Variants in HMX3 observed in about 807,000 individuals in gnomAD.
The protein encoded by HMX3 is homeobox protein HMX3.
In HMX3, 8 loss-of-function variants were observed where a neutral mutation model predicts 22.8. The ratio of observed to expected loss-of-function variants is 0.35; its 90% CI spans 0.21 to 0.63. The LOEUF (loss-of-function observed/expected upper bound fraction) is 0.63, where lower values mean the gene tolerates loss of function less well. Among genes scored for constraint, HMX3 ranks in the 30% least tolerant of loss-of-function variants. HMX3 has a pLI of 0.72. For synonymous variants in HMX3, 331 were observed against 250.9 expected, an observed-to-expected ratio of 1.32 and a Z score of -3.02; for missense variants, 527 against 520.6, an observed-to-expected ratio of 1.01 and a Z score of -0.12.
Position 123,137,255 on chromosome 10 carries a change from G to A in HMX3, c.598G>A (p.Val200Ile), listed in dbSNP as rs529176331. Residue 200 changes from valine (V) to isoleucine (I), a missense_variant, in exon 2 of 2, where the codon GTA (valine) becomes ATA (isoleucine). Val to Ile is a conservative substitution (Grantham distance 29, BLOSUM62 3). Around this residue, in one of 3 missense-constraint regions of HMX3, gnomAD observed 386 missense variants for 337.8 expected, o/e 1.14. Coordinates refer to ENST00000357878, the MANE Select transcript of HMX3 (RefSeq NM_001105574.2). This position sits in a 1 kb window ranked among gnomAD's most constrained non-coding sequence, Gnocchi z 5.8. ...EAAPGAAGASVGAAAATPGAE... is the reference protein window; with the variant it reads ...EAAPGAAGASIGAAAATPGAE... ...GGCGCCAGGCGCGGCCGGGGCGAGC[G>A]TAGGGGCGGCGGCGGCCACTCCGGG... The A allele has an allele frequency of 3.1e-6, 5 of 1,591,846 alleles. No individual in the cohort carries two copies. Among genetic ancestry groups the A allele is most frequent in the Non-Finnish European group, 4.3e-6 (5 of 1,169,384 alleles).
rs375092158 is a variant in HMX3, at chr10:123,137,155, G to A, written c.498G>A (p.Glu166=). ...PLLKADPDHK[E]LDSKSPDEII... ...TCAAGGCCGACCCCGATCACAAGGA[G>A]CTGGACTCCAAGAGCCCGGACGAGA... The change falls in exon 2 of 2, where the codon GAG becomes GAA. Residue 166 remains glutamate (E), a synonymous_variant. Transcript: ENST00000357878. This position sits in a 1 kb window ranked among gnomAD's most constrained non-coding sequence, Gnocchi z 5.8. The A allele has an allele frequency of 6.0e-5, 97 of 1,607,070 alleles. No individual in the cohort carries two copies. The highest frequency in any genetic ancestry group is 4.4e-4 in the Admixed American group (26 of 59,206).
In HMX3 at chr10:123,136,538, C is replaced by T; in HGVS notation, c.400+88C>T. On this transcript the variant is annotated intron_variant, in intron 1 of 1. Transcript: ENST00000357878. The surrounding 1 kb of genome is among the most constrained non-coding windows in gnomAD (Gnocchi z 4.8). The stretch of plus-strand genomic sequence containing the variant: ...CTGCTTCCCTCCGCAGTTCTGGGAC[C>T]CCAGCACCCGCAAACCCTCTGCTCG... 9.2e-7 allele frequency: 1 copy of T among 1,087,750 alleles called. No homozygotes were observed. The allele number at this position is 1,087,750 out of a possible 1,614,324, so 67.4% of individuals were successfully genotyped here. A position where few individuals can be genotyped will look rare whatever the true frequency, so the allele number is the denominator to read the frequency against.
Position 123,137,461 on chromosome 10 carries a change from G to A in HMX3, c.804G>A (p.Glu268=). 6.2e-7 allele frequency: 1 copy of A among 1,613,264 alleles called. No homozygotes were observed. Among genetic ancestry groups the A allele is most frequent in the South Asian group, 1.1e-5 (1 of 91,084 alleles). ...TGGCCGCGTCCCTGCACCTCACCGAGACGCAGGTCAAGATCTGGTTCCAGA... is the reference window on the plus strand; with the variant it reads ...TGGCCGCGTCCCTGCACCTCACCGAAACGCAGGTCAAGATCTGGTTCCAGA... ...AGLAASLHLT[E]TQVKIWFQNR... The change falls in exon 2 of 2, where the codon GAG becomes GAA. Residue 268 remains glutamate (E), a synonymous_variant. Coordinates refer to ENST00000357878, the MANE Select transcript of HMX3 (RefSeq NM_001105574.2). This position sits in a 1 kb window ranked among gnomAD's most constrained non-coding sequence, Gnocchi z 5.8.
At position 123,137,628 on chromosome 10, in the gene HMX3, C is replaced by T. The variant is rs1337043565; in HGVS notation, c.971C>T (p.Ala324Val). The T allele has an allele frequency of 7.8e-6, 12 of 1,531,868 alleles. No individual in the cohort carries two copies. The highest frequency in any genetic ancestry group is 1.0e-5 in the Non-Finnish European group (12 of 1,148,370). 94.9% of individuals were successfully genotyped at this position (1,531,868 alleles called of 1,614,324 possible). ...SAAEGAAAAAAGAPVPVSQPL... is the reference protein window; with the variant it reads ...SAAEGAAAAAVGAPVPVSQPL... ...GCCGAGGGCGCGGCGGCTGCAGCCG[C>T]GGGGGCCCCGGTGCCAGTCAGCCAG... The change falls in exon 2 of 2, where the codon GCG (alanine) becomes GTG (valine). Residue 324 changes from alanine (A) to valine (V), a missense_variant. Physicochemically the swap from Ala to Val is moderately conservative, Grantham distance 64. Coordinates refer to ENST00000357878, the MANE Select transcript of HMX3 (RefSeq NM_001105574.2). This position sits in a 1 kb window ranked among gnomAD's most constrained non-coding sequence, Gnocchi z 5.8.
chr10:123,136,475 G>T lies in HMX3; in HGVS notation c.400+25G>T, dbSNP rs1329736164. Reference sequence around the variant, plus strand: ...GGTACCGACCTCTCTTTGAACTTTCGTTGTCCCCCTGCGCGCCCGCCCCGT... The same window carrying T: ...GGTACCGACCTCTCTTTGAACTTTCTTTGTCCCCCTGCGCGCCCGCCCCGT... On this transcript the variant is annotated intron_variant, in intron 1 of 1. Transcript: ENST00000357878. The surrounding 1 kb of genome is among the most constrained non-coding windows in gnomAD (Gnocchi z 4.8). 2 of 1,347,942 alleles carry T rather than the reference G, an allele frequency of 1.5e-6. No individual in the cohort carries two copies. Among genetic ancestry groups the T allele is most frequent in the Non-Finnish European group, 1.9e-6 (2 of 1,040,074 alleles). The allele number at this position is 1,347,942 out of a possible 1,614,324, so 83.5% of individuals were successfully genotyped here.
In HMX3 at chr10:123,137,808, G is replaced by A. The variant is rs1041400917; in HGVS notation, c.*77G>A. On this transcript the variant is annotated 3_prime_UTR_variant, in exon 2 of 2. Transcript: ENST00000357878. The surrounding 1 kb of genome is among the most constrained non-coding windows in gnomAD (Gnocchi z 5.8). ...GAGGAGACTGGGCCGGGCCGAGGGC[G>A]CCGAGAAGTCCAGCGGCCTTCAGGA... The A allele has an allele frequency of 1.5e-5, 17 of 1,166,290 alleles. No individual in the cohort carries two copies. Among genetic ancestry groups the A allele is most frequent in the Non-Finnish European group, 1.9e-5 (17 of 877,754 alleles). The allele number at this position is 1,166,290 out of a possible 1,614,324, so 72.2% of individuals were successfully genotyped here.
In HMX3 at chr10:123,137,707, C is replaced by T. The variant is rs888549916; in HGVS notation, c.1050C>T (p.Ser350=). ...ACTACTCGCACCCGGTGGTCTCTTC[C>T]GTGCCGCTGCTACGGCCGGTCTGAG... ...PVYYSHPVVS[S]VPLLRPV Residue 350 remains serine, a synonymous_variant, in exon 2 of 2, where the codon TCC becomes TCT. Coordinates refer to ENST00000357878, the MANE Select transcript of HMX3 (RefSeq NM_001105574.2). The surrounding 1 kb of genome is among the most constrained non-coding windows in gnomAD (Gnocchi z 5.8). 9.0e-6 allele frequency: 13 copies of T among 1,450,976 alleles called. No homozygotes were observed. Among genetic ancestry groups the T allele is most frequent in the Non-Finnish European group, 1.2e-5 (13 of 1,108,774 alleles). The allele number at this position is 1,450,976 out of a possible 1,614,324, so 89.9% of individuals were successfully genotyped here. A position where few individuals can be genotyped will look rare whatever the true frequency, so the allele number is the denominator to read the frequency against.
In HMX3 at chr10:123,137,550, C is replaced by A; in HGVS notation, c.893C>A (p.Ala298Asp). 1.2e-6 allele frequency: 2 copies of A among 1,610,142 alleles called. No individual in the cohort carries two copies. ...AELEAANLSHAAAQRIVRVPI... is the reference protein window; with the variant it reads ...AELEAANLSHDAAQRIVRVPI... ...CTGGAGGCGGCCAACCTGAGCCATGCCGCGGCGCAGCGCATCGTGCGGGTG... is the reference window on the plus strand; with the variant it reads ...CTGGAGGCGGCCAACCTGAGCCATGACGCGGCGCAGCGCATCGTGCGGGTG... Residue 298 changes from alanine to aspartate, a missense_variant, in exon 2 of 2, where the codon GCC becomes GAC. Coordinates refer to ENST00000357878, the MANE Select transcript of HMX3 (RefSeq NM_001105574.2). This position sits in a 1 kb window ranked among gnomAD's most constrained non-coding sequence, Gnocchi z 5.8.
In HMX3 at chr10:123,137,566, C is replaced by A; in HGVS notation, c.909C>A (p.Ile303=). 1.9e-6 allele frequency: 3 copies of A among 1,607,676 alleles called. No homozygotes were observed. The highest frequency in any genetic ancestry group is 1.7e-6 in the Non-Finnish European group (2 of 1,178,600). The change falls in exon 2 of 2, where the codon ATC becomes ATA. Residue 303 remains isoleucine, a synonymous_variant. Coordinates refer to ENST00000357878, the MANE Select transcript of HMX3 (RefSeq NM_001105574.2). The surrounding 1 kb of genome is among the most constrained non-coding windows in gnomAD (Gnocchi z 5.8). ...ANLSHAAAQR[I]VRVPILYHEN... is the part of the protein sequence containing the mutation. ...TGAGCCATGCCGCGGCGCAGCGCATCGTGCGGGTGCCCATCCTCTACCACG... is the reference window on the plus strand; with the variant it reads ...TGAGCCATGCCGCGGCGCAGCGCATAGTGCGGGTGCCCATCCTCTACCACG...
Position 123,137,862 on chromosome 10 carries a change from TCCCCTC to T in HMX3, c.*136_*141del. On this transcript the variant is annotated 3_prime_UTR_variant, in exon 2 of 2. Transcript: ENST00000357878. This position sits in a 1 kb window ranked among gnomAD's most constrained non-coding sequence, Gnocchi z 5.8. The stretch of plus-strand genomic sequence containing the variant: ...GGGGCTTGGGCGCGCAGCCTCTGCT[TCCCCTC>T]CCCCAGTCGGTAGCATTTTGTAAGT... 1.7e-6 allele frequency: 1 copy of T among 579,986 alleles called. No individual in the cohort carries two copies. The highest frequency in any genetic ancestry group is 3.2e-5 in the East Asian group (1 of 31,048). The allele number at this position is 579,986 out of a possible 1,614,324, so 35.9% of individuals were successfully genotyped here.
At position 123,137,691 on chromosome 10, in the gene HMX3, AC is replaced by A; in HGVS notation, c.1037del (p.Pro346ArgfsTer66). Reference protein sequence around the residue: ...LTFPHPVYYSHPVVSSVPLLR... With the variant: ...LTFPHPVYYSXPVVSSVPLLR... The stretch of plus-strand genomic sequence containing the variant: ...TTCCCGCACCCCGTCTACTACTCGC[AC>A]CCGGTGGTCTCTTCCGTGCCGCTGC... On this transcript the variant is annotated frameshift_variant, in exon 2 of 2. Transcript: ENST00000357878. LOFTEE classifies it high-confidence loss of function. This position sits in a 1 kb window ranked among gnomAD's most constrained non-coding sequence, Gnocchi z 5.8. 1 of 1,470,496 alleles carries A rather than the reference AC, an allele frequency of 6.8e-7. No homozygotes were observed. The highest frequency in any genetic ancestry group is 8.9e-7 in the Non-Finnish European group (1 of 1,118,272). The allele number at this position is 1,470,496 out of a possible 1,614,324, so 91.1% of individuals were successfully genotyped here.
At position 123,136,548 on chromosome 10, in the gene HMX3, G is replaced by T. The variant is rs1382851872; in HGVS notation, c.400+98G>T. 3 of 991,020 alleles carry T rather than the reference G, an allele frequency of 3.0e-6. No homozygotes were observed. The highest frequency in any genetic ancestry group is 6.9e-4 in the Middle Eastern group (2 of 2,900). 61.4% of individuals were successfully genotyped at this position (991,020 alleles called of 1,614,324 possible). ...CCGCAGTTCTGGGACCCCAGCACCC[G>T]CAAACCCTCTGCTCGGTCAGTTTTT... On this transcript the variant is annotated intron_variant, in intron 1 of 1. Transcript: ENST00000357878. This position sits in a 1 kb window ranked among gnomAD's most constrained non-coding sequence, Gnocchi z 4.8.
rs1460775228 is a variant in HMX3 at position 123,138,913 on chromosome 10, A to G, written c.*1182A>G. 6.6e-6 allele frequency among the ~76,000 whole-genome samples: 1 copy of G among 152,152 alleles called. No homozygotes were observed. The highest frequency in any genetic ancestry group is 2.4e-5 in the African/African-American group (1 of 41,424). On this transcript the variant is annotated 3_prime_UTR_variant, in exon 2 of 2. Transcript: ENST00000357878. ...ATGATATCTTTTATCCTCTCCTCTT[A>G]CTTTTCATGTTCTGCAGTAATTATT...
Position 123,136,156 on chromosome 10 carries a change from C to T in HMX3, c.106C>T (p.Leu36=). Residue 36 remains leucine, a synonymous_variant, in exon 1 of 2, where the codon CTG becomes TTG. Coordinates refer to ENST00000357878, the MANE Select transcript of HMX3 (RefSeq NM_001105574.2). The surrounding 1 kb of genome is among the most constrained non-coding windows in gnomAD (Gnocchi z 4.8). The part of the protein sequence containing the change: ...PKESPFSIKN[L]LNGDHHRPPP... ...GGAGTCCCCGTTCTCCATCAAGAAC[C>T]TGCTCAACGGAGACCACCACCGGCC... is the stretch of plus-strand genomic sequence containing the variant. 7.0e-6 allele frequency: 10 copies of T among 1,437,302 alleles called. No individual in the cohort carries two copies. Among genetic ancestry groups the T allele is most frequent in the South Asian group, 4.6e-5 (3 of 64,528 alleles). The allele number at this position is 1,437,302 out of a possible 1,614,324, so 89.0% of individuals were successfully genotyped here.
Position 123,136,463 on chromosome 10 carries a change from CTT to C in HMX3, c.400+15_400+16del, listed in dbSNP as rs761038106. The C allele has an allele frequency of 2.9e-6, 4 of 1,381,706 alleles. No homozygotes were observed. Among genetic ancestry groups the C allele is most frequent in the Non-Finnish European group, 3.8e-6 (4 of 1,058,728 alleles). The allele number at this position is 1,381,706 out of a possible 1,614,324, so 85.6% of individuals were successfully genotyped here. A position where few individuals can be genotyped will look rare whatever the true frequency, so the allele number is the denominator to read the frequency against. On this transcript the variant is annotated intron_variant, in intron 1 of 1. Transcript: ENST00000357878. The surrounding 1 kb of genome is among the most constrained non-coding windows in gnomAD (Gnocchi z 4.8). Reference sequence around the variant, plus strand: ...CCGCGACCTGAAGGTACCGACCTCTCTTTGAACTTTCGTTGTCCCCCTGCGCG... The same window carrying C: ...CCGCGACCTGAAGGTACCGACCTCTCTGAACTTTCGTTGTCCCCCTGCGCG...
chr10:123,137,492 C>T lies in HMX3; in HGVS notation c.835C>T (p.Arg279Cys). The T allele has an allele frequency of 6.2e-7, 1 of 1,613,344 alleles. No individual in the cohort carries two copies. Among genetic ancestry groups the T allele is most frequent in the Non-Finnish European group, 8.5e-7 (1 of 1,179,884 alleles). The change falls in exon 2 of 2, where the codon CGC becomes TGC. Residue 279 changes from arginine (R) to cysteine (C), a missense_variant. Physicochemically the swap from Arg to Cys is radical, Grantham distance 180 (BLOSUM62 -3). Transcript: ENST00000357878. This position sits in a 1 kb window ranked among gnomAD's most constrained non-coding sequence, Gnocchi z 5.8. Reference protein sequence around the residue: ...TQVKIWFQNRRNKWKRQLAAE... With the variant: ...TQVKIWFQNRCNKWKRQLAAE... ...GGTCAAGATCTGGTTCCAGAACCGC[C>T]GCAACAAGTGGAAGCGGCAGCTGGC...
chr10:123,136,219 G>A lies in HMX3; in HGVS notation c.169G>A (p.Ala57Thr). The change falls in exon 1 of 2, where the codon GCG becomes ACG. Residue 57 changes from alanine (A) to threonine (T), a missense_variant. Around this residue, in one of 3 missense-constraint regions of HMX3, gnomAD observed 386 missense variants for 337.8 expected, o/e 1.14. Transcript: ENST00000357878. The surrounding 1 kb of genome is among the most constrained non-coding windows in gnomAD (Gnocchi z 4.8). ...KPQPPPRTLF[A>T]PASAAAAAAA... ...TCAGCCGCCCCCACGGACGCTCTTC[G>A]CGCCAGCCTCGGCTGCCGCCGCCGC... 1 of 1,352,280 alleles carries A rather than the reference G, an allele frequency of 7.4e-7. No homozygotes were observed. The highest frequency in any genetic ancestry group is 9.5e-7 in the Non-Finnish European group (1 of 1,055,600). The allele number at this position is 1,352,280 out of a possible 1,614,324, so 83.8% of individuals were successfully genotyped here. A position where few individuals can be genotyped will look rare whatever the true frequency, so the allele number is the denominator to read the frequency against.
Position 123,137,320 on chromosome 10 carries a change from GA to G in HMX3, c.665del (p.Lys222SerfsTer27). The G allele has an allele frequency of 6.2e-7, 1 of 1,609,922 alleles. No individual in the cohort carries two copies. Among genetic ancestry groups the G allele is most frequent in the Non-Finnish European group, 8.5e-7 (1 of 1,178,472 alleles). On this transcript the variant is annotated frameshift_variant, in exon 2 of 2. Transcript: ENST00000357878. LOFTEE classifies it high-confidence loss of function. The surrounding 1 kb of genome is among the most constrained non-coding windows in gnomAD (Gnocchi z 5.8). ...AGAAGGGCGCTGAAAGTCCAGAGAA[GA>G]AGCCGGCGTGCCGCAAGAAGAAGAC... is the stretch of plus-strand genomic sequence containing the variant. ...WKKGAESPEK[K>X]PACRKKKTRT... is the part of the protein sequence containing the mutation.
chr10:123,138,315 A>G lies in HMX3; in HGVS notation c.*584A>G, dbSNP rs1055660212. Among the ~76,000 whole-genome samples, 2 of 151,750 alleles carry G rather than the reference A, an allele frequency of 1.3e-5. No homozygotes were observed. The highest frequency in any genetic ancestry group is 4.8e-5 in the African/African-American group (2 of 41,252). On this transcript the variant is annotated 3_prime_UTR_variant, in exon 2 of 2. Transcript: ENST00000357878. ...CAGGTGTGTGCCACCACGTCCGGCTAATTTTTGTATTTTTAGTAGAGACGC... is the reference window on the plus strand; with the variant it reads ...CAGGTGTGTGCCACCACGTCCGGCTGATTTTTGTATTTTTAGTAGAGACGC...
Sources: gnomAD v4.1 joint callset for allele counts (sites outside exome capture counted in the v4.1 genomes callset) on GRCh38, gnomAD v4.1.1 for gene constraint, gnomAD v4.1.1 regional missense constraint, Gnocchi (gnomAD v3.1) non-coding constraint, MANE v1.5 for transcripts, NCBI Gene and HGNC (gene_info 2026-07-23, HGNC 2026-07-21) for gene names.